The following GFPT2 variants were observed in gnomAD, a reference collection of about 807,000 sequenced individuals.
GFPT2 encodes glutamine--fructose-6-phosphate transaminase 2.
Under a neutral mutation model 85.6 loss-of-function variants are expected in GFPT2, and 62 were observed. The ratio of observed to expected loss-of-function variants is 0.72; its 90% CI spans 0.59 to 0.90. The LOEUF (loss-of-function observed/expected upper bound fraction) is 0.90. GFPT2 is among the 40% of genes least tolerant of loss of function. The pLI, the probability that GFPT2 is intolerant of heterozygous loss-of-function variation, is 0.00. For synonymous variants in GFPT2, 368 were observed against 344.5 expected (o/e 1.07, Z -0.75); for missense variants, 788 against 893.4 (o/e 0.88, Z 1.50).
intron 13 of GFPT2, among the ~76,000 whole-genome samples, 161 bp downstream of exon 13, chr5:180,316,180 A>G (rs1364201101): frequency 2.0e-5 from 3 of 151,792 alleles, no homozygotes; most frequent in Non-Finnish European, 3.0e-5. Flanking sequence ...TCCCCGTACA[A>G]TGGCGACAGT....
At position 180,352,864 on chromosome 5, in the gene GFPT2, C is replaced by G. The variant is rs1036980331; in HGVS notation, c.7+347G>C. Reference sequence around the variant, plus strand: ...GGCGACTGGGAGACGTGGAGGAGAGCGACCTCGGTCGGCATGGGGTGGGGA... The same window carrying G: ...GGCGACTGGGAGACGTGGAGGAGAGGGACCTCGGTCGGCATGGGGTGGGGA... On this transcript the variant is annotated intron_variant, in intron 1 of 18. Coordinates refer to ENST00000253778, the MANE Select transcript of GFPT2 (RefSeq NM_005110.4). The G allele has an allele frequency of 8.8e-5, 36 of 408,530 alleles. No homozygotes were observed. In the Admixed American group the frequency reaches 1.7e-3, roughly 19 times the overall value. The allele number at this position is 408,530 out of a possible 1,614,324, so 25.3% of individuals were successfully genotyped here. A position where few individuals can be genotyped will look rare whatever the true frequency, so the allele number is the denominator to read the frequency against.
At position 180,304,781 on chromosome 5, in the gene GFPT2, C is replaced by T. The variant is rs567006958; in HGVS notation, c.1833G>A (p.Thr611=). ...AGTGGAGAGCCCTCACCTGGCGGGC[C>T]GTGACTTGCTGCAGGGCGTTCTGGC... ...AKCQNALQQV[T]ARQGRPIILC... The change falls in exon 17 of 19, where the codon ACG becomes ACA. Residue 611 remains threonine, a synonymous_variant. Transcript: ENST00000253778. 8.1e-6 allele frequency: 13 copies of T among 1,612,924 alleles called. No homozygotes were observed. The highest frequency in any genetic ancestry group is 2.7e-5 in the African/African-American group (2 of 75,016).
intron 15 of GFPT2, among the ~76,000 whole-genome samples, chr5:180,310,928 A>G (rs1763870044): frequency 6.6e-6 from 1 of 151,366 alleles, no homozygotes; most frequent in Non-Finnish European, 1.5e-5. Flanking sequence ...GCAGACACCC[A>G]GGACCTGTGG....
At chr5:180,339,815 C>T (rs13163031) in intron 1 of GFPT2, among the ~76,000 whole-genome samples, 6 of 152,280 alleles carry the variant, frequency 3.9e-5, no homozygotes, top group Non-Finnish European at 5.9e-5. Context: ...ACCAAGGGCA[C>T]AGGCTGGTGC....
intron 14 of GFPT2, among the ~76,000 whole-genome samples, chr5:180,313,246 G>T (rs1231221410): frequency 2.0e-5 from 3 of 152,030 alleles, no homozygotes; most frequent in Admixed American, 2.0e-4. Context: ...AGAGCCACAG[G>T]ACAACATGGA....
At chr5:180,316,925 G>A (rs2127650043) in intron 11 of GFPT2, 38 bp downstream of exon 11, 2 of 1,559,336 alleles carry the variant, frequency 1.3e-6, no homozygotes, top group Non-Finnish European at 8.8e-7. Context: ...CCTGAGACTA[G>A]GCTCGGGCGG....
intron 5 of GFPT2, among the ~76,000 whole-genome samples, chr5:180,331,213 A>C (rs773987716): frequency 1.6e-4 from 24 of 152,226 alleles, no homozygotes; most frequent in Non-Finnish European, 2.9e-4. Flanking sequence ...TCGCTGTGTT[A>C]TATAATGCAG....
At position 180,316,744 on chromosome 5, in the gene GFPT2, C is replaced by G. The variant is rs371202358; in HGVS notation, c.1152+20G>C. 1.9e-4 allele frequency: 298 copies of G among 1,551,430 alleles called. No individual in the cohort carries two copies. Among genetic ancestry groups the G allele is most frequent in the South Asian group, 8.1e-4 (72 of 89,066 alleles). ...TCCTAGACTGCCGTCGACTTCCCCACGCACATGTGTCACACTTACAGCCAC... is the reference window on the plus strand; with the variant it reads ...TCCTAGACTGCCGTCGACTTCCCCAGGCACATGTGTCACACTTACAGCCAC... On this transcript the variant is annotated intron_variant, in intron 12 of 18. Transcript: ENST00000253778.
intron 2 of GFPT2, 43 bp downstream of exon 2, chr5:180,338,450 G>C: frequency 9.1e-7 from 1 of 1,104,484 alleles, no homozygotes; most frequent in Non-Finnish European, 1.4e-6. Context: ...CCACAGCAGC[G>C]GAGCCCGGTC....
chr5:180,343,703 G>T (rs1764560714), intron 1 of GFPT2, among the ~76,000 whole-genome samples: 1 of 152,240 alleles, frequency 6.6e-6, no homozygotes, highest in Non-Finnish European at 1.5e-5. Context: ...AGAATAAAAT[G>T]AAGCTCCTTT....
intron 13 of GFPT2, among the ~76,000 whole-genome samples, chr5:180,315,761 A>G (rs1478901118): frequency 6.6e-6 from 1 of 152,242 alleles, no homozygotes; most frequent in African/African-American, 2.4e-5. Context: ...CCTCCCTGAG[A>G]CAGCTGGAGC....
intron 1 of GFPT2, among the ~76,000 whole-genome samples, chr5:180,349,324 T>C (rs1764666642): frequency 6.6e-6 from 1 of 151,924 alleles, no homozygotes; most frequent in Non-Finnish European, 1.5e-5. Flanking sequence ...AAAAATAAAA[T>C]ACCTAAATAG....
At position 180,307,309 on chromosome 5, in the gene GFPT2, C is replaced by T. The variant is rs757215502; in HGVS notation, c.1547-6G>A. The T allele has an allele frequency of 9.9e-6, 16 of 1,613,728 alleles. No homozygotes were observed. The Admixed American group carries it at 1.8e-4, about 18-fold the overall frequency. On this transcript the variant is annotated splice_region_variant and splice_polypyrimidine_tract_variant and intron_variant, in intron 15 of 18. Transcript: ENST00000253778. ...CAGCACTTCCTTGATCAGCTCTGGG[C>T]CATGCACGGAGCAGAGGGAGAAAAC...
intron 1 of GFPT2, among the ~76,000 whole-genome samples, chr5:180,350,223 AG>A (rs949187905): frequency 1.3e-4 from 20 of 152,188 alleles, no homozygotes; most frequent in African/African-American, 4.8e-4. Flanking sequence ...CCATCACCCA[AG>A]GGGTCACCCA....
Position 180,324,430 on chromosome 5 carries a change from G to A in GFPT2, c.677-125C>T, listed in dbSNP as rs534119527. ...ATTTGCAATTTTTAGCTTTGGCTGT[G>A]TCAGCCAAATCGTGTAAAAGATCCC... On this transcript the variant is annotated intron_variant, in intron 8 of 18. Transcript: ENST00000253778. 54 of 637,974 alleles carry A rather than the reference G, an allele frequency of 8.5e-5. 1 individual carries two copies. Among genetic ancestry groups the A allele is most frequent in the South Asian group, 6.9e-4 (36 of 52,302 alleles). The allele number at this position is 637,974 out of a possible 1,614,324, so 39.5% of individuals were successfully genotyped here. A position where few individuals can be genotyped will look rare whatever the true frequency, so the allele number is the denominator to read the frequency against.
At chr5:180,334,685 C>T (rs544851063) in intron 4 of GFPT2, among the ~76,000 whole-genome samples, 1 of 152,186 alleles carries the variant, frequency 6.6e-6, no homozygotes, top group African/African-American at 2.4e-5. Flanking sequence ...TGCTGTACAC[C>T]CTCCCCTGGC....
At chr5:180,349,386 A>T (rs921834772) in intron 1 of GFPT2, among the ~76,000 whole-genome samples, 16 of 152,210 alleles carry the variant, frequency 1.1e-4, no homozygotes, top group African/African-American at 3.4e-4. Flanking sequence ...TCAAACTTAT[A>T]ACCTCAAATT....
intron 13 of GFPT2, among the ~76,000 whole-genome samples, chr5:180,314,879 T>C (rs75417734): frequency 6.6e-6 from 1 of 152,304 alleles, no homozygotes; most frequent in East Asian, 1.9e-4. Flanking sequence ...TGCCACTGCA[T>C]TATTTTCATA....
At chr5:180,351,681 A>C (rs1764714520) in intron 1 of GFPT2, among the ~76,000 whole-genome samples, 1 of 152,164 alleles carries the variant, frequency 6.6e-6, no homozygotes, top group South Asian at 2.1e-4. Flanking sequence ...TCCCTTTAAG[A>C]AGCAGAACAA....
Sources: gnomAD v4.1 joint callset for allele counts (sites outside exome capture counted in the v4.1 genomes callset) on GRCh38, gnomAD v4.1.1 for gene constraint, MANE v1.5 for transcripts, NCBI Gene and HGNC (gene_info 2026-07-23, HGNC 2026-07-21) for gene names.